Variants in GAB4 observed in about 807,000 individuals in gnomAD.
GAB4 encodes GRB2-associated-binding protein 4.
A neutral mutation model predicts 51.3 loss-of-function variants in GAB4; 26 were observed. The ratio of observed to expected loss-of-function variants is 0.51; its 90% confidence interval spans 0.37 to 0.70. The LOEUF is 0.70. Among genes scored for constraint, GAB4 ranks in the 30% least tolerant of loss-of-function variants. GAB4 has a pLI of 0.00. For synonymous variants in GAB4, 329 were observed against 291.2 expected, an observed-to-expected ratio of 1.13 and a Z score of -1.32; for missense variants, 759 against 734.6, an observed-to-expected ratio of 1.03 and a Z score of -0.38.
intron 3 of GAB4, among the ~76,000 whole-genome samples, chr22:16,976,923 C>T (rs2060783481): frequency 6.6e-6 from 1 of 152,170 alleles, no homozygotes; most frequent in South Asian, 2.1e-4. Flanking sequence ...CCAAACAAAG[C>T]TTCGTAAGTG....
rs368582440 is a variant in GAB4, at chr22:16,965,279, A to G, written c.1289-11T>C. 1,893 of 1,609,060 alleles carry G rather than the reference A, an allele frequency of 1.2e-3. 29 individuals carry two copies. In the South Asian group the frequency reaches 0.015, roughly 13 times the overall value. On this transcript the variant is annotated splice_polypyrimidine_tract_variant and intron_variant, in intron 6 of 9. Coordinates refer to ENST00000400588, the MANE Select transcript of GAB4 (RefSeq NM_001037814.1). The stretch of plus-strand genomic sequence containing the variant: ...GCGGTGTTGGGTTGGCTGGAGCAGG[A>G]AAAGAACCTTGTCATCAGCCAGTGA...
At chr22:16,978,505 G>A (rs980231103) in intron 3 of GAB4, among the ~76,000 whole-genome samples, 5 of 151,948 alleles carry the variant, frequency 3.3e-5, no homozygotes, top group African/African-American at 1.2e-4. Context: ...CCCTGAATAG[G>A]ACAATAACAA....
chr22:16,964,326 T>C (rs2060653373), intron 8 of GAB4, among the ~76,000 whole-genome samples: 1 of 152,208 alleles, frequency 6.6e-6, no homozygotes, highest in African/African-American at 2.4e-5. Context: ...CCAATATCTA[T>C]GCAGCAACTA....
chr22:16,974,479 T>G (rs764919789), intron 3 of GAB4, among the ~76,000 whole-genome samples: 1 of 152,138 alleles, frequency 6.6e-6, no homozygotes, highest in South Asian at 2.1e-4. Flanking sequence ...GAGTAAACAC[T>G]CACTCCAGCC....
intron 3 of GAB4, among the ~76,000 whole-genome samples, chr22:16,986,587 A>G (rs1478083749): frequency 1.3e-5 from 2 of 152,344 alleles, no homozygotes; most frequent in Admixed American, 6.5e-5. Context: ...AGATTCCCAG[A>G]AAAGTGGCAG....
At chr22:16,973,205 C>T (rs2060747762) in intron 3 of GAB4, among the ~76,000 whole-genome samples, 1 of 152,226 alleles carries the variant, frequency 6.6e-6, no homozygotes, top group African/African-American at 2.4e-5. Context: ...CTGAGTCACA[C>T]TCCATTGTTA....
At chr22:16,984,226 G>A (rs377564735) in intron 3 of GAB4, among the ~76,000 whole-genome samples, 13 of 152,112 alleles carry the variant, frequency 8.5e-5, no homozygotes, top group African/African-American at 1.4e-4. Flanking sequence ...TAGTCATTAC[G>A]AAAATGCAAA....
rs569278130 is a variant in GAB4, at chr22:16,968,182, G to A, written c.1023+116C>T. ...GTTCTGAACTGAGGCAAGAACCTAGGCAGCCTCCTAGGAGGGAGATGCTGT... is the reference window on the plus strand; with the variant it reads ...GTTCTGAACTGAGGCAAGAACCTAGACAGCCTCCTAGGAGGGAGATGCTGT... On this transcript the variant is annotated intron_variant, in intron 5 of 9. Coordinates refer to ENST00000400588, the MANE Select transcript of GAB4 (RefSeq NM_001037814.1). 20 of 742,068 alleles carry A rather than the reference G, an allele frequency of 2.7e-5. No individual in the cohort carries two copies. In the African/African-American group the frequency reaches 2.9e-4, roughly 11 times the overall value. The allele number at this position is 742,068 out of a possible 1,614,324, so 46.0% of individuals were successfully genotyped here. A position where few individuals can be genotyped will look rare whatever the true frequency, so the allele number is the denominator to read the frequency against.
intron 1 of GAB4, among the ~76,000 whole-genome samples, chr22:16,997,390 G>A (rs1419037985): frequency 2.6e-5 from 4 of 152,090 alleles, no homozygotes; most frequent in Non-Finnish European, 5.9e-5. Flanking sequence ...TTCTCTGATG[G>A]CCAGTGATGA....
At chr22:16,977,580 A>G (rs867177056) in intron 3 of GAB4, among the ~76,000 whole-genome samples, 2 of 152,190 alleles carry the variant, frequency 1.3e-5, no homozygotes, top group Non-Finnish European at 2.9e-5. Flanking sequence ...ATAATGGGAG[A>G]CTTTAATACC....
chr22:16,975,957 TAACA>T (rs953337426), intron 3 of GAB4, among the ~76,000 whole-genome samples: 1 of 151,418 alleles, frequency 6.6e-6, no homozygotes, highest in African/African-American at 2.4e-5. Flanking sequence ...GGAGGAAAAC[TAACA>T]AACAGAAAGG....
At chr22:16,968,199 A>C in intron 5 of GAB4, 99 bp downstream of exon 5, 1 of 840,322 alleles carries the variant, frequency 1.2e-6, no homozygotes, top group Non-Finnish European at 2.1e-6. Context: ...CCTAGGAGGG[A>C]GATGCTGTCA....
intron 3 of GAB4, among the ~76,000 whole-genome samples, chr22:16,972,970 C>A (rs1200654059): frequency 6.6e-6 from 1 of 152,190 alleles, no homozygotes; most frequent in Non-Finnish European, 1.5e-5. Flanking sequence ...TCAAACCAGA[C>A]GTCACTGTGT....
At chr22:16,966,625 T>C in intron 5 of GAB4, 1 of 480,842 alleles carries the variant, frequency 2.1e-6, no homozygotes, top group Non-Finnish European at 3.7e-6. Context: ...AGTCAACATG[T>C]AAAAGTGGAA....
chr22:16,964,809 G>A lies in GAB4; in HGVS notation c.1433C>T (p.Thr478Ile). 2 of 1,614,056 alleles carry A rather than the reference G, an allele frequency of 1.2e-6. No individual in the cohort carries two copies. The highest frequency in any genetic ancestry group is 1.7e-6 in the Non-Finnish European group (2 of 1,179,958). Residue 478 changes from threonine to isoleucine, a missense_variant, in exon 8 of 10, where the codon ACC becomes ATC. By Grantham distance (89) the Thr-to-Ile change is moderately conservative (BLOSUM62 -1). This residue lies in a region of GAB4 where 588 missense variants were observed against 510.2 expected (regional missense o/e 1.15). Coordinates refer to ENST00000400588, the MANE Select transcript of GAB4 (RefSeq NM_001037814.1). Reference sequence around the variant, plus strand: ...TCCACTGTCTTCTGAGTCTGTGTTGGTGATGCTCTGCGTGGAGATGGGGTG... The same window carrying A: ...TCCACTGTCTTCTGAGTCTGTGTTGATGATGCTCTGCGTGGAGATGGGGTG... ...SQHPISTQSITNTDSEDSGER... is the reference protein window; with the variant it reads ...SQHPISTQSIINTDSEDSGER...
At chr22:16,993,628 C>A (rs1233071502) in intron 1 of GAB4, among the ~76,000 whole-genome samples, 1 of 152,204 alleles carries the variant, frequency 6.6e-6, no homozygotes, top group African/African-American at 2.4e-5. Context: ...CACCTGTTCC[C>A]ATTCAGCTGT....
chr22:16,971,162 C>T (rs193189309), intron 3 of GAB4, among the ~76,000 whole-genome samples: 51 of 152,282 alleles, frequency 3.3e-4, no homozygotes, highest in African/African-American at 1.2e-3. Flanking sequence ...CTACTGTACT[C>T]CAACTTGGGC....
rs200009773 is a variant in GAB4 at position 16,970,140 on chromosome 22, G to A, written c.740C>T (p.Thr247Ile). ...SEAPFIMRRN[T>I]AMQNLAQHSG... ...GTGCTGGGCAAGATTTTGCATGGCT[G>A]TGTTTCTCCTCATGATGAATGGGGC... The change falls in exon 4 of 10, where the codon ACA (threonine) becomes ATA (isoleucine). Residue 247 changes from threonine to isoleucine, a missense_variant. By Grantham distance (89) the Thr-to-Ile change is moderately conservative (BLOSUM62 -1). Coordinates refer to ENST00000400588, the MANE Select transcript of GAB4 (RefSeq NM_001037814.1). The A allele has an allele frequency of 1.9e-6, 3 of 1,614,200 alleles. No individual in the cohort carries two copies. Among genetic ancestry groups the A allele is most frequent in the African/African-American group, 1.3e-5 (1 of 75,046 alleles).
chr22:16,972,082 C>G (rs1569094608), intron 3 of GAB4, among the ~76,000 whole-genome samples: 1 of 152,228 alleles, frequency 6.6e-6, no homozygotes, highest in Non-Finnish European at 1.5e-5. Flanking sequence ...GTTTTCAGCT[C>G]TCTGGTGGAT....
Sources: allele counts gnomAD v4.1 joint callset (sites outside exome capture counted in the v4.1 genomes callset), GRCh38; gene constraint gnomAD v4.1.1; regional missense constraint gnomAD v4.1.1; transcripts MANE v1.5; gene names NCBI Gene and HGNC (gene_info 2026-07-23, HGNC 2026-07-21).